Variants in FBXO32 observed in about 807,000 individuals in gnomAD.
FBXO32 encodes F-box only protein 32.
Under a neutral mutation model 48.3 loss-of-function variants are expected in FBXO32, and 15 were observed. That is an observed-to-expected ratio of 0.31 (90% CI 0.21 to 0.48). FBXO32 has a LOEUF of 0.48. Ranked by LOEUF, FBXO32 falls within the 20% of genes least tolerant of loss-of-function variation. The pLI, the probability that FBXO32 is intolerant of heterozygous loss-of-function variation, is 0.99. For missense variants in FBXO32, 309 were observed against 432.7 expected (o/e 0.71, Z 2.54); for synonymous variants, 154 against 165.9 (o/e 0.93, Z 0.55).
intron 6 of FBXO32, among the ~76,000 whole-genome samples, chr8:123,509,918 CCAAATTA>C (rs1816702984): frequency 6.6e-6 from 1 of 152,100 alleles, no homozygotes; most frequent in East Asian, 1.9e-4. Flanking sequence ...GAGGCATCAG[CCAAATTA>C]TTCTTAACTA....
At chr8:123,505,167 G>A (rs72709026) in intron 7 of FBXO32, among the ~76,000 whole-genome samples, 2,505 of 152,190 alleles carry the variant, frequency 0.016, 39 homozygotes, top group South Asian at 0.036. Flanking sequence ...GTGGCTTCAC[G>A]AACAGAACTT....
intron 1 of FBXO32, among the ~76,000 whole-genome samples, chr8:123,537,806 C>T (rs1405859889): frequency 6.6e-6 from 1 of 152,160 alleles, no homozygotes; most frequent in Non-Finnish European, 1.5e-5. Context: ...TTCCTGCTTC[C>T]GGGTCCAGCC....
chr8:123,513,429 C>T lies in FBXO32; in HGVS notation c.467-47G>A. 1 of 1,478,036 alleles carries T rather than the reference C, an allele frequency of 6.8e-7. No individual in the cohort carries two copies. The highest frequency in any genetic ancestry group is 9.3e-7 in the Non-Finnish European group (1 of 1,069,864). The allele number at this position is 1,478,036 out of a possible 1,614,324, so 91.6% of individuals were successfully genotyped here. A position where few individuals can be genotyped will look rare whatever the true frequency, so the allele number is the denominator to read the frequency against. ...TAATTAAAGTTATGATACTGGAACA[C>T]CCTGTATTTTACACATGAGCTTGTC... On this transcript the variant is annotated intron_variant, in intron 5 of 8. Transcript: ENST00000517956. This position sits in a 1 kb window ranked among gnomAD's most constrained non-coding sequence, Gnocchi z 4.3.
intron 4 of FBXO32, among the ~76,000 whole-genome samples, chr8:123,518,164 C>T (rs1816877469): frequency 6.6e-6 from 1 of 152,220 alleles, no homozygotes; most frequent in South Asian, 2.1e-4. Context: ...GTGAGGGCTC[C>T]AGAGGCAAAC....
chr8:123,522,996 C>T (rs72709027), intron 4 of FBXO32, among the ~76,000 whole-genome samples: 8 of 152,220 alleles, frequency 5.3e-5, no homozygotes, highest in Non-Finnish European at 1.0e-4. Flanking sequence ...TAGAAATACC[C>T]GTTCAGGGGC....
intron 4 of FBXO32, among the ~76,000 whole-genome samples, chr8:123,523,634 CAAA>C (rs1048097076): frequency 6.7e-6 from 1 of 148,558 alleles, no homozygotes; most frequent in African/African-American, 2.5e-5. Context: ...AACAAACAAA[CAAA>C]AAAAAGAAAG....
intron 4 of FBXO32, among the ~76,000 whole-genome samples, chr8:123,516,986 G>A (rs1446637201): frequency 2.6e-5 from 4 of 152,144 alleles, no homozygotes; most frequent in African/African-American, 9.7e-5. Context: ...ATGGCACAAA[G>A]GGACTGGCCA....
At position 123,501,106 on chromosome 8, in the gene FBXO32, C is replaced by A. The variant is rs1041871914; in HGVS notation, c.*2267G>T. The A allele has an allele frequency of 3.9e-5, 6 of 152,216 alleles. No homozygotes were observed. Among genetic ancestry groups the A allele is most frequent in the African/African-American group, 1.4e-4 (6 of 41,454 alleles). The allele number at this position is 152,216 out of a possible 1,614,324, so 9.4% of individuals were successfully genotyped here. A position where few individuals can be genotyped will look rare whatever the true frequency, so the allele number is the denominator to read the frequency against. ...GAAGGCGACGAGGAGTTTCTACTTT[C>A]TTGATCAGCATGAAGGGGCAGAGAT... On this transcript the variant is annotated 3_prime_UTR_variant, in exon 9 of 9. Coordinates refer to ENST00000517956, the MANE Select transcript of FBXO32 (RefSeq NM_058229.4).
chr8:123,506,664 T>G lies in FBXO32; in HGVS notation c.652-90A>C. The G allele has an allele frequency of 8.7e-7, 1 of 1,148,144 alleles. No homozygotes were observed. The highest frequency in any genetic ancestry group is 2.4e-5 in the East Asian group (1 of 41,510). 71.1% of individuals were successfully genotyped at this position (1,148,144 alleles called of 1,614,324 possible). ...TCCAGGCATGCAGCTGTGCCCGTCC[T>G]CCACCCTCAAGGCAGTTTATTGATA... On this transcript the variant is annotated intron_variant, in intron 6 of 8. Coordinates refer to ENST00000517956, the MANE Select transcript of FBXO32 (RefSeq NM_058229.4). The surrounding 1 kb of genome is among the most constrained non-coding windows in gnomAD (Gnocchi z 4.0).
intron 8 of FBXO32, among the ~76,000 whole-genome samples, chr8:123,504,211 C>T (rs1283603751): frequency 6.6e-6 from 1 of 151,868 alleles, no homozygotes; most frequent in Non-Finnish European, 1.5e-5. Context: ...TTGATTTAAT[C>T]TTGACAAATT....
rs189030160 is a variant in FBXO32, at chr8:123,526,186, A to C, written c.372+5712T>G. The stretch of plus-strand genomic sequence containing the variant: ...GCGAGTGAGGCCTGACCAAGATCAT[A>C]ATAACCAGCTTGTGGCAACACCCTT... On this transcript the variant is annotated intron_variant, in intron 4 of 8. Transcript: ENST00000517956. Among the ~76,000 whole-genome samples the C allele has an allele frequency of 1.3e-4, 19 of 151,976 alleles. No homozygotes were observed. In the East Asian group the frequency reaches 3.7e-3, roughly 29 times the overall value.
At chr8:123,533,871 T>C (rs1034895371) in intron 2 of FBXO32, among the ~76,000 whole-genome samples, 6 of 151,384 alleles carry the variant, frequency 4.0e-5, no homozygotes, top group Non-Finnish European at 8.8e-5. Context: ...GCGGGGTAGA[T>C]CGCTTGAGCC....
chr8:123,504,968 C>CAAA (rs1273510791), intron 7 of FBXO32, among the ~76,000 whole-genome samples: 1 of 151,892 alleles, frequency 6.6e-6, no homozygotes, highest in African/African-American at 2.4e-5. Context: ...ACAACAACAA[C>CAAA]AAAAAAACCA....
At chr8:123,521,002 T>C (rs568431637) in intron 4 of FBXO32, among the ~76,000 whole-genome samples, 52 of 152,222 alleles carry the variant, frequency 3.4e-4, no homozygotes, top group Non-Finnish European at 3.8e-4. Flanking sequence ...CCCTCAGGTC[T>C]CAGTTCAAAC....
In FBXO32 at chr8:123,500,395, G is replaced by A. The variant is rs1816457223; in HGVS notation, c.*2978C>T. On this transcript the variant is annotated 3_prime_UTR_variant, in exon 9 of 9. Coordinates refer to ENST00000517956, the MANE Select transcript of FBXO32 (RefSeq NM_058229.4). ...CTGTTTTACAGGGTTTAGGATGGGGGTAGGTAGGCACAGGAAAGAGAGTAG... is the reference window on the plus strand; with the variant it reads ...CTGTTTTACAGGGTTTAGGATGGGGATAGGTAGGCACAGGAAAGAGAGTAG... The A allele has an allele frequency of 2.0e-5, 3 of 152,290 alleles. No homozygotes were observed. In the South Asian group the frequency reaches 6.2e-4, roughly 32 times the overall value. 9.4% of individuals were successfully genotyped at this position (152,290 alleles called of 1,614,324 possible).
intron 4 of FBXO32, among the ~76,000 whole-genome samples, chr8:123,517,157 C>T (rs1172447737): frequency 3.9e-5 from 6 of 152,198 alleles, no homozygotes; most frequent in Non-Finnish European, 8.8e-5. Flanking sequence ...TGTGACTCAT[C>T]ACTGGGTAGG....
intron 4 of FBXO32, among the ~76,000 whole-genome samples, chr8:123,531,551 C>A (rs1817209375): frequency 6.6e-6 from 1 of 152,168 alleles, no homozygotes; most frequent in Non-Finnish European, 1.5e-5. Context: ...AAGGCTGTTG[C>A]CAGGGCCAGC....
chr8:123,499,284 T>G lies in FBXO32; in HGVS notation c.*4089A>C, dbSNP rs561307136. 10 of 152,324 alleles carry G rather than the reference T, an allele frequency of 6.6e-5. No individual in the cohort carries two copies. The highest frequency in any genetic ancestry group is 1.0e-4 in the Non-Finnish European group (7 of 68,022). 9.4% of individuals were successfully genotyped at this position (152,324 alleles called of 1,614,324 possible). ...AGAAGAAGGTATCTACAGAAAACAC[T>G]GAATTTAAACAAATTATGACCTTGT... On this transcript the variant is annotated 3_prime_UTR_variant, in exon 9 of 9. Transcript: ENST00000517956.
In FBXO32 at chr8:123,517,218, C is replaced by T. The variant is rs185780046; in HGVS notation, c.373-2885G>A. ...GGCAGCCAGAGCTCTGCCTGAAATC[C>T]ATCCAAAACCCAGATTCCATGTGAC... On this transcript the variant is annotated intron_variant, in intron 4 of 8. Transcript: ENST00000517956. Among the ~76,000 whole-genome samples the T allele has an allele frequency of 6.6e-5, 10 of 152,308 alleles. No individual in the cohort carries two copies. The East Asian group carries it at 1.9e-3, about 29-fold the overall frequency.
Sources: allele counts gnomAD v4.1 joint callset (sites outside exome capture counted in the v4.1 genomes callset), GRCh38; gene constraint gnomAD v4.1.1; non-coding constraint Gnocchi (gnomAD v3.1); transcripts MANE v1.5; gene names NCBI Gene and HGNC (gene_info 2026-07-23, HGNC 2026-07-21).